The following RPH3A variants were observed in gnomAD, a reference collection of about 807,000 sequenced individuals.
RPH3A encodes rabphilin 3A, also known as rabphilin-3A.
A neutral mutation model predicts 102.2 loss-of-function variants in RPH3A; 48 were observed. The observed-to-expected ratio is 0.47, with a 90% CI of 0.37 to 0.60. The LOEUF is 0.60. Ranked by LOEUF, RPH3A falls within the 20% of genes least tolerant of loss-of-function variation. The pLI is 0.00. For synonymous variants in RPH3A, 310 were observed against 324.3 expected (o/e 0.96, Z 0.47); for missense variants, 781 against 910.1 (o/e 0.86, Z 1.83).
chr12:112,766,539 A>C (rs2040890595), intron 1 of RPH3A, among the ~76,000 whole-genome samples: 2 of 152,158 alleles, frequency 1.3e-5, no homozygotes, highest in Non-Finnish European at 2.9e-5. Context: ...AAAGGAGGCC[A>C]AGCAGGAGGT....
At chr12:112,887,132 C>T (rs2043014501) in intron 16 of RPH3A, among the ~76,000 whole-genome samples, 1 of 152,120 alleles carries the variant, frequency 6.6e-6, no homozygotes, top group African/African-American at 2.4e-5. Flanking sequence ...TAGTCCATGG[C>T]CAGCAACCCT....
chr12:112,775,621 G>A (rs2040960718), intron 1 of RPH3A, among the ~76,000 whole-genome samples: 1 of 152,166 alleles, frequency 6.6e-6, no homozygotes, highest in Non-Finnish European at 1.5e-5. Flanking sequence ...ACTAGCAGTG[G>A]GAGAAATAGA....
chr12:112,868,608 A>G lies in RPH3A; in HGVS notation c.610+13A>G, dbSNP rs111657225. On this transcript the variant is annotated intron_variant, in intron 8 of 21. Transcript: ENST00000389385. ...GCTCCAGCTCGAGGTAGGACAAAAC[A>G]GGTGCTTCTTTCAGGACCAAGGACA... 4.0e-3 allele frequency: 6,439 copies of G among 1,611,794 alleles called. 212 individuals carry two copies. In the African/African-American group the frequency reaches 0.071, roughly 18 times the overall value.
chr12:112,875,961 G>A (rs112996917), intron 12 of RPH3A, among the ~76,000 whole-genome samples: 3 of 152,306 alleles, frequency 2.0e-5, no homozygotes, highest in African/African-American at 7.2e-5. Flanking sequence ...GACTACCTGG[G>A]TTCAAATCCC....
chr12:112,632,743 T>A (rs1425771151), intron 1 of RPH3A, among the ~76,000 whole-genome samples: 1 of 152,204 alleles, frequency 6.6e-6, no homozygotes, highest in African/African-American at 2.4e-5. Flanking sequence ...GTGGTACTAC[T>A]GGCATCTAGT....
At chr12:112,714,915 C>G (rs545579418) in intron 1 of RPH3A, among the ~76,000 whole-genome samples, 2 of 152,308 alleles carry the variant, frequency 1.3e-5, no homozygotes, top group East Asian at 3.9e-4. Context: ...ATGTTTCTTT[C>G]TCTTTTTCTA....
intron 1 of RPH3A, among the ~76,000 whole-genome samples, chr12:112,654,402 C>A (rs1183333185): frequency 2.0e-5 from 3 of 152,100 alleles, no homozygotes; most frequent in African/African-American, 4.8e-5. Context: ...TTTTCTCTTG[C>A]CTTTTTTTTT....
chr12:112,707,485 C>T (rs1054655359), intron 1 of RPH3A, among the ~76,000 whole-genome samples: 1 of 152,178 alleles, frequency 6.6e-6, no homozygotes, highest in Non-Finnish European at 1.5e-5. Flanking sequence ...CAATAGGTGG[C>T]AGGGCTGGGA....
chr12:112,754,191 C>G (rs2136062701), intron 1 of RPH3A, among the ~76,000 whole-genome samples: 1 of 152,302 alleles, frequency 6.6e-6, no homozygotes, highest in East Asian at 1.9e-4. Flanking sequence ...AATTCAGCAG[C>G]CTGTCCACTT....
chr12:112,652,394 T>C (rs1485343430), intron 1 of RPH3A, among the ~76,000 whole-genome samples: 1 of 152,282 alleles, frequency 6.6e-6, no homozygotes, highest in Middle Eastern at 3.4e-3. Flanking sequence ...GGAGGATTGC[T>C]TGTGCCCAGG....
intron 14 of RPH3A, among the ~76,000 whole-genome samples, chr12:112,879,603 G>A (rs894135515): frequency 2.6e-5 from 4 of 152,216 alleles, no homozygotes; most frequent in African/African-American, 9.6e-5. Context: ...TGCTGAAGCG[G>A]CTGTCACTCT....
chr12:112,594,394 C>A (rs1257637062), intron 1 of RPH3A, among the ~76,000 whole-genome samples: 1 of 152,182 alleles, frequency 6.6e-6, no homozygotes, highest in Non-Finnish European at 1.5e-5. Context: ...TCATTCCACC[C>A]ACATACCCAC....
Position 112,791,891 on chromosome 12 carries a change from A to AGAGAGG in RPH3A, c.-256_-255insGGAGAG, listed in dbSNP as rs2041119541. On this transcript the variant is annotated 5_prime_UTR_variant, in exon 1 of 22. Transcript: ENST00000389385. ...GGGAGAGAGAGAGAGAGAGAGAGAG[A>AGAGAGG]GAGAGAGAGAGAGACTCACAGAGCT... 1 of 150,538 alleles carries AGAGAGG rather than the reference A, an allele frequency of 6.6e-6. No homozygotes were observed. The highest frequency in any genetic ancestry group is 2.4e-5 in the African/African-American group (1 of 40,868). The allele number at this position is 150,538 out of a possible 1,614,324, so 9.3% of individuals were successfully genotyped here.
chr12:112,759,384 C>T (rs2040840058), intron 1 of RPH3A, among the ~76,000 whole-genome samples: 1 of 152,168 alleles, frequency 6.6e-6, no homozygotes. Flanking sequence ...CCTCTCTGGT[C>T]TGAGGAGCCT....
Position 112,858,698 on chromosome 12 carries a change from C to A in RPH3A, c.231-6716C>A, listed in dbSNP as rs1291557112. Among the ~76,000 whole-genome samples, 4 of 152,372 alleles carry A rather than the reference C, an allele frequency of 2.6e-5. No individual in the cohort carries two copies. The East Asian group carries it at 7.7e-4, about 29-fold the overall frequency. On this transcript the variant is annotated intron_variant, in intron 5 of 21. Transcript: ENST00000389385. The stretch of plus-strand genomic sequence containing the variant: ...TTTGCTACCGTTGGATCCTCACTGT[C>A]TACTTGGCACATAGTAGGTACTCTA...
chr12:112,894,092 G>GTAGATCTCGGTGGTCGCCGTATCATTAA, intron 19 of RPH3A: 1 of 167,346 alleles, frequency 6.0e-6, no homozygotes, highest in Non-Finnish European at 1.3e-5. Flanking sequence ...GAAGTGGAGT[G>GTAGATCTCGGTGGTCGCCGTATCATTAA]ACAATAATCA....
At chr12:112,868,325 T>A (rs2042645708) in intron 7 of RPH3A, 105 bp from the exon 8 acceptor site, 1 of 1,122,422 alleles carries the variant, frequency 8.9e-7, no homozygotes, top group Admixed American at 2.2e-5. Flanking sequence ...GGCTATTGTG[T>A]CAGTGTGCTT....
At chr12:112,737,175 A>T (rs570508162) in intron 1 of RPH3A, among the ~76,000 whole-genome samples, 1 of 147,212 alleles carries the variant, frequency 6.8e-6, no homozygotes, top group Non-Finnish European at 1.5e-5. Flanking sequence ...AAAACAAAAT[A>T]AAAAAAAAAC....
chr12:112,614,190 G>T (rs1329212638), intron 1 of RPH3A, among the ~76,000 whole-genome samples: 1 of 152,154 alleles, frequency 6.6e-6, no homozygotes, highest in African/African-American at 2.4e-5. Flanking sequence ...AACTGTAAGA[G>T]AATAAATTTG....
Sources: gnomAD v4.1 joint callset for allele counts (sites outside exome capture counted in the v4.1 genomes callset) on GRCh38, gnomAD v4.1.1 for gene constraint, MANE v1.5 for transcripts, NCBI Gene and HGNC (gene_info 2026-07-23, HGNC 2026-07-21) for gene names.